The following SSBP2 variants were observed in gnomAD, a reference collection of about 807,000 sequenced individuals.
SSBP2 encodes single stranded DNA binding protein 2, also known as single-stranded DNA-binding protein 2.
A neutral mutation model predicts 61.8 loss-of-function variants in SSBP2; 17 were observed. The ratio of observed to expected loss-of-function variants is 0.28; its 90% CI spans 0.19 to 0.41. The LOEUF is 0.41. Ranked by LOEUF, SSBP2 falls within the 10% of genes least tolerant of loss-of-function variation. SSBP2 has a pLI of 1.00. For synonymous variants in SSBP2, 139 were observed against 141.3 expected, an observed-to-expected ratio of 0.98 and a Z score of 0.12; for missense variants, 310 against 458.7, an observed-to-expected ratio of 0.68 and a Z score of 2.96.
chr5:81,737,741 T>C (rs980240078), intron 1 of SSBP2, among the ~76,000 whole-genome samples: 9 of 150,276 alleles, frequency 6.0e-5, no homozygotes, highest in Admixed American at 3.3e-4. Context: ...TGAGCCGAGA[T>C]TGCTCCACTG....
chr5:81,724,689 T>G (rs1191054161), intron 1 of SSBP2, among the ~76,000 whole-genome samples: 1 of 151,672 alleles, frequency 6.6e-6, no homozygotes, highest in Non-Finnish European at 1.5e-5. Flanking sequence ...ATAAAGCAAA[T>G]AGAAAATGGA....
intron 1 of SSBP2, chr5:81,750,619 C>T: frequency 5.0e-6 from 1 of 200,798 alleles, no homozygotes. Context: ...CCCCCGGCGG[C>T]TCCCCAGGTC....
At chr5:81,658,180 A>T (rs1434103138) in intron 1 of SSBP2, among the ~76,000 whole-genome samples, 1 of 152,188 alleles carries the variant, frequency 6.6e-6, no homozygotes, top group Non-Finnish European at 1.5e-5. Flanking sequence ...TCCTAATCTA[A>T]ATGAACTTTT....
chr5:81,491,111 C>T (rs533177140), intron 5 of SSBP2, among the ~76,000 whole-genome samples: 1 of 152,204 alleles, frequency 6.6e-6, no homozygotes, highest in African/African-American at 2.4e-5. Flanking sequence ...ATGAAGCTGT[C>T]TTTTTAATTC....
chr5:81,593,287 G>A (rs1258243093), intron 4 of SSBP2, among the ~76,000 whole-genome samples: 1 of 152,116 alleles, frequency 6.6e-6, no homozygotes, highest in East Asian at 1.9e-4. Flanking sequence ...GAGAAGTTTA[G>A]AGAAAAAAGA....
chr5:81,736,699 A>G (rs1756648327), intron 1 of SSBP2, among the ~76,000 whole-genome samples: 1 of 152,240 alleles, frequency 6.6e-6, no homozygotes, highest in Non-Finnish European at 1.5e-5. Flanking sequence ...AGTACTAGTA[A>G]GCTAATCAAA....
intron 10 of SSBP2, among the ~76,000 whole-genome samples, chr5:81,451,316 T>C (rs1288841865): frequency 6.6e-6 from 1 of 152,058 alleles, no homozygotes; most frequent in Non-Finnish European, 1.5e-5. Flanking sequence ...TAAATTTTCA[T>C]GTATATCCCA....
chr5:81,723,172 T>C (rs73768111), intron 1 of SSBP2, among the ~76,000 whole-genome samples: 7,442 of 152,108 alleles, frequency 0.049, 604 homozygotes, highest in African/African-American at 0.17. Context: ...GAAGTTTCTA[T>C]ACAAGTTAAC....
chr5:81,663,758 A>C (rs1750889833), intron 1 of SSBP2, among the ~76,000 whole-genome samples: 1 of 152,208 alleles, frequency 6.6e-6, no homozygotes, highest in Non-Finnish European at 1.5e-5. Context: ...TGTCTTTTGC[A>C]ACCTATCCTT....
chr5:81,695,816 T>C (rs140592092), intron 1 of SSBP2, among the ~76,000 whole-genome samples: 2,809 of 152,228 alleles, frequency 0.018, 34 homozygotes, highest in Non-Finnish European at 0.028. Flanking sequence ...TTATGTCTTC[T>C]CTCTTTAAGG....
chr5:81,652,886 T>C (rs1197141541), intron 1 of SSBP2, among the ~76,000 whole-genome samples: 1 of 151,918 alleles, frequency 6.6e-6, no homozygotes, highest in East Asian at 1.9e-4. Flanking sequence ...TTTGTAGTCT[T>C]TTATCCCTCA....
At chr5:81,607,802 T>C (rs562763301) in intron 4 of SSBP2, among the ~76,000 whole-genome samples, 23 of 152,264 alleles carry the variant, frequency 1.5e-4, no homozygotes, top group African/African-American at 5.1e-4. Flanking sequence ...CAAACAGCTT[T>C]TGAATATCTT....
chr5:81,689,854 A>G (rs1383498840), intron 1 of SSBP2, among the ~76,000 whole-genome samples: 3 of 152,140 alleles, frequency 2.0e-5, no homozygotes, highest in Non-Finnish European at 4.4e-5. Context: ...TCTGGAGTAG[A>G]AAAACTAAAA....
chr5:81,616,551 G>A (rs1581176312), intron 3 of SSBP2: 1 of 149,826 alleles, frequency 6.7e-6, no homozygotes. Context: ...GCCCAGGCTT[G>A]CTTAGGTAAA....
intron 14 of SSBP2, chr5:81,437,788 T>A (rs951291741): frequency 1.2e-5 from 2 of 167,468 alleles, no homozygotes; most frequent in Non-Finnish European, 1.3e-5. Context: ...TAAAAATGTA[T>A]ATATAACATA....
chr5:81,562,422 C>T (rs1773117918), intron 4 of SSBP2, among the ~76,000 whole-genome samples: 1 of 152,122 alleles, frequency 6.6e-6, no homozygotes, highest in Admixed American at 6.5e-5. Flanking sequence ...GAGTACTGCA[C>T]TTTATAAGAG....
chr5:81,508,575 C>T (rs1336213168), intron 5 of SSBP2, among the ~76,000 whole-genome samples: 1 of 152,096 alleles, frequency 6.6e-6, no homozygotes, highest in Non-Finnish European at 1.5e-5. Flanking sequence ...AGACTGCCTT[C>T]CAGAATGGAT....
At chr5:81,732,243 TTC>T (rs1756319762) in intron 1 of SSBP2, among the ~76,000 whole-genome samples, 1 of 152,294 alleles carries the variant, frequency 6.6e-6, no homozygotes, top group Admixed American at 6.5e-5. Flanking sequence ...AAAACTATAA[TTC>T]TCTTTTTTCA....
intron 1 of SSBP2, among the ~76,000 whole-genome samples, chr5:81,712,735 T>TG (rs961525112): frequency 1.1e-4 from 17 of 149,394 alleles, no homozygotes; most frequent in Middle Eastern, 6.8e-3. Flanking sequence ...TTTGTTTTTT[T>TG]TTTTTTGTTT....
Sources: allele counts gnomAD v4.1 joint callset (sites outside exome capture counted in the v4.1 genomes callset), GRCh38; gene constraint gnomAD v4.1.1; transcripts MANE v1.5; gene names NCBI Gene and HGNC (gene_info 2026-07-23, HGNC 2026-07-21).